The following KMT5A variants were observed in gnomAD, a reference collection of about 807,000 sequenced individuals.
KMT5A encodes the protein lysine methyltransferase 5A, also known as N-lysine methyltransferase KMT5A.
A neutral mutation model predicts 40.6 loss-of-function variants in KMT5A; 6 were observed. That is an observed-to-expected ratio of 0.15 (90% CI 0.08 to 0.29). The LOEUF is 0.29. KMT5A is among the 10% of genes least tolerant of loss of function. The probability of loss-of-function intolerance (pLI) is 1.00; values close to 1 mark genes in which losing one functional copy is unlikely to be tolerated. For synonymous variants in KMT5A, 153 were observed against 178.8 expected (o/e 0.86, Z 1.15); for missense variants, 308 against 459.1 (o/e 0.67, Z 3.01).
At position 123,407,765 on chromosome 12, in the gene KMT5A, A is replaced by G; in HGVS notation, c.*62A>G. 7.6e-7 allele frequency: 1 copy of G among 1,314,574 alleles called. No homozygotes were observed. Among genetic ancestry groups the G allele is most frequent in the South Asian group, 1.3e-5 (1 of 76,896 alleles). The allele number at this position is 1,314,574 out of a possible 1,614,324, so 81.4% of individuals were successfully genotyped here. A position where few individuals can be genotyped will look rare whatever the true frequency, so the allele number is the denominator to read the frequency against. On this transcript the variant is annotated 3_prime_UTR_variant, in exon 8 of 8. Coordinates refer to ENST00000402868, the MANE Select transcript of KMT5A (RefSeq NM_020382.7). Reference sequence around the variant, plus strand: ...TTCTTCAAAGGACAAAGTGCCCTCAAAGGGAATTGAATTTTTTTTTTACAC... The same window carrying G: ...TTCTTCAAAGGACAAAGTGCCCTCAGAGGGAATTGAATTTTTTTTTTACAC...
intron 1 of KMT5A, among the ~76,000 whole-genome samples, chr12:123,385,441 G>A (rs370676299): frequency 1.3e-5 from 2 of 152,124 alleles, no homozygotes; most frequent in African/African-American, 4.8e-5. Context: ...TATGCTTCCT[G>A]GGTTCATTTT....
At position 123,389,338 on chromosome 12, in the gene KMT5A, G is replaced by T. The variant is rs989945493; in HGVS notation, c.11-95G>T. On this transcript the variant is annotated intron_variant, in intron 1 of 7. Coordinates refer to ENST00000402868, the MANE Select transcript of KMT5A (RefSeq NM_020382.7). The stretch of plus-strand genomic sequence containing the variant: ...CCTCGAAATATGGCTGCGGCGGGAG[G>T]CGCCGTCGCGGCGCCCGGCCCGGGC... 5 of 806,162 alleles carry T rather than the reference G, an allele frequency of 6.2e-6. No individual in the cohort carries two copies. In the African/African-American group the frequency reaches 9.7e-5, roughly 16 times the overall value. 49.9% of individuals were successfully genotyped at this position (806,162 alleles called of 1,614,324 possible). A position where few individuals can be genotyped will look rare whatever the true frequency, so the allele number is the denominator to read the frequency against.
At position 123,407,487 on chromosome 12, in the gene KMT5A, C is replaced by T. The variant is rs1186879412; in HGVS notation, c.849-6C>T. On this transcript the variant is annotated splice_polypyrimidine_tract_variant and splice_region_variant and intron_variant, in intron 7 of 7. Coordinates refer to ENST00000402868, the MANE Select transcript of KMT5A (RefSeq NM_020382.7). ...TTAATCCTCTCTGGCCCTCCTTCCC[C>T]TCCAGCGTGGATGCAACTAGAGAGA... is the stretch of plus-strand genomic sequence containing the variant. The T allele has an allele frequency of 1.9e-6, 3 of 1,613,932 alleles. No homozygotes were observed. The highest frequency in any genetic ancestry group is 8.5e-7 in the Non-Finnish European group (1 of 1,179,842).
In KMT5A at chr12:123,396,359, C is replaced by T. The variant is rs765508766; in HGVS notation, c.524C>T (p.Thr175Met). 9 of 1,613,234 alleles carry T rather than the reference C, an allele frequency of 5.6e-6. No homozygotes were observed. The highest frequency in any genetic ancestry group is 7.6e-6 in the Non-Finnish European group (9 of 1,179,976). ...CTCTTACCCAGAGCTCAAGGAAAAA[C>T]GCAACAGAATCGCAAACTTACGGAT... ...QAPRKKAQGK[T>M]QQNRKLTDFY... The change falls in exon 5 of 8, where the codon ACG becomes ATG. Residue 175 changes from threonine to methionine, a missense_variant. Thr to Met is a moderately conservative substitution (Grantham distance 81). Transcript: ENST00000402868.
chr12:123,396,515 C>T, intron 5 of KMT5A, 83 bp downstream of exon 5: 7 of 1,302,530 alleles, frequency 5.4e-6, no homozygotes, highest in Admixed American at 1.8e-5. Context: ...ATGTGTGTGT[C>T]CTCAGCCTTG....
At chr12:123,403,127 A>T (rs1353416305) in intron 5 of KMT5A, among the ~76,000 whole-genome samples, 6 of 151,994 alleles carry the variant, frequency 3.9e-5, no homozygotes, top group Non-Finnish European at 8.8e-5. Flanking sequence ...CTGGTCTCGA[A>T]CTCGTGACCT....
At chr12:123,390,053 G>A (rs899567110) in intron 2 of KMT5A, 2 of 468,076 alleles carry the variant, frequency 4.3e-6, no homozygotes, top group African/African-American at 4.0e-5. Context: ...CGAATGCGCT[G>A]GCTGTGGCTC....
At chr12:123,406,145 G>T (rs1256353611) in intron 7 of KMT5A, among the ~76,000 whole-genome samples, 1 of 152,018 alleles carries the variant, frequency 6.6e-6, no homozygotes, top group Non-Finnish European at 1.5e-5. Flanking sequence ...TTTGGAATTG[G>T]AGCTGTCCTG....
rs762933658 is a variant in KMT5A at position 123,384,250 on chromosome 12, G to A, written c.10+42G>A. On this transcript the variant is annotated intron_variant, in intron 1 of 7. Transcript: ENST00000402868. This position sits in a 1 kb window ranked among gnomAD's most constrained non-coding sequence, Gnocchi z 5.7. Reference sequence around the variant, plus strand: ...CCGGCACCGGAGCGGCTGGGTCGGGGGTCGTGCTGGAGGGGTTGCCGGGGT... The same window carrying A: ...CCGGCACCGGAGCGGCTGGGTCGGGAGTCGTGCTGGAGGGGTTGCCGGGGT... 3 of 1,609,702 alleles carry A rather than the reference G, an allele frequency of 1.9e-6. No individual in the cohort carries two copies. The highest frequency in any genetic ancestry group is 3.4e-5 in the Admixed American group (2 of 59,670).
chr12:123,388,393 G>A (rs1876995966), intron 1 of KMT5A: 1 of 152,284 alleles, frequency 6.6e-6, no homozygotes, highest in South Asian at 2.1e-4. Flanking sequence ...AACGGCAAGA[G>A]ACTCGCCCAG....
chr12:123,394,787 T>C (rs748754564), intron 3 of KMT5A, among the ~76,000 whole-genome samples: 1 of 152,124 alleles, frequency 6.6e-6, no homozygotes, highest in Non-Finnish European at 1.5e-5. Flanking sequence ...TGCCTCTCCC[T>C]CACAGGCTCT....
Position 123,408,458 on chromosome 12 carries a change from G to T in KMT5A, c.*755G>T, listed in dbSNP as rs1878738584. On this transcript the variant is annotated 3_prime_UTR_variant, in exon 8 of 8. Coordinates refer to ENST00000402868, the MANE Select transcript of KMT5A (RefSeq NM_020382.7). ...AATTCTTTATAGAAATGTGAACACT[G>T]AATTTATTTTAAAAAATAATAATAA... 1.3e-5 allele frequency: 2 copies of T among 148,406 alleles called. No individual in the cohort carries two copies. The highest frequency in any genetic ancestry group is 3.0e-5 in the Non-Finnish European group (2 of 67,508). The allele number at this position is 148,406 out of a possible 1,614,324, so 9.2% of individuals were successfully genotyped here.
intron 2 of KMT5A, 31 bp from the exon 3 acceptor site, chr12:123,390,599 C>T (rs200055909): frequency 1.5e-4 from 238 of 1,609,356 alleles, no homozygotes; most frequent in South Asian, 2.9e-4. Context: ...CTTCTTCAAG[C>T]CTCTTTCAGA....
intron 1 of KMT5A, among the ~76,000 whole-genome samples, chr12:123,387,618 C>T (rs968399372): frequency 2.0e-5 from 3 of 152,194 alleles, no homozygotes; most frequent in Non-Finnish European, 4.4e-5. Context: ...AGTGGTTGGG[C>T]TGGAGACCCT....
At chr12:123,398,439 C>T (rs560478020) in intron 5 of KMT5A, among the ~76,000 whole-genome samples, 2 of 152,184 alleles carry the variant, frequency 1.3e-5, no homozygotes, top group South Asian at 2.1e-4. Context: ...TGGGGGGAGC[C>T]GAGTTGGCCT....
intron 5 of KMT5A, among the ~76,000 whole-genome samples, chr12:123,399,442 G>A (rs537493856): frequency 7.9e-5 from 12 of 152,290 alleles, no homozygotes; most frequent in African/African-American, 2.9e-4. Flanking sequence ...TTCCCTCTGC[G>A]CATCTCCTAC....
At chr12:123,385,381 A>G (rs1170874022) in intron 1 of KMT5A, among the ~76,000 whole-genome samples, 1 of 152,222 alleles carries the variant, frequency 6.6e-6, no homozygotes, top group African/African-American at 2.4e-5. Context: ...AGCATCTAAA[A>G]GTATATTTAA....
At chr12:123,402,110 G>T (rs1878226298) in intron 5 of KMT5A, among the ~76,000 whole-genome samples, 1 of 152,206 alleles carries the variant, frequency 6.6e-6, no homozygotes, top group Admixed American at 6.5e-5. Flanking sequence ...TCTAACTCCT[G>T]TCCTTAAGCG....
chr12:123,394,500 AGT>A (rs1877548342), intron 3 of KMT5A, among the ~76,000 whole-genome samples: 1 of 152,182 alleles, frequency 6.6e-6, no homozygotes. Context: ...AGATCATTGC[AGT>A]GTGTCTCCCG....
Sources: gnomAD v4.1 joint callset for allele counts (sites outside exome capture counted in the v4.1 genomes callset) on GRCh38, gnomAD v4.1.1 for gene constraint, Gnocchi (gnomAD v3.1) non-coding constraint, MANE v1.5 for transcripts, NCBI Gene and HGNC (gene_info 2026-07-23, HGNC 2026-07-21) for gene names.